PTGER3: variants seen among roughly 807,000 people sequenced by gnomAD.
PTGER3 encodes the protein prostaglandin E2 receptor EP3 subtype.
In PTGER3, 22 loss-of-function variants were observed where a neutral mutation model predicts 34.7. That is an observed-to-expected ratio of 0.63 (90% CI 0.45 to 0.91). The LOEUF is 0.91. Among genes scored for constraint, PTGER3 ranks in the 40% least tolerant of loss-of-function variants. The pLI, the probability that PTGER3 is intolerant of heterozygous loss-of-function variation, is 0.00. For missense variants in PTGER3, 468 were observed against 519.4 expected (o/e 0.90, Z 0.96); for synonymous variants, 241 against 230.1 (o/e 1.05, Z -0.43).
At position 70,889,893 on chromosome 1, in the gene PTGER3, C is replaced by G. The variant is rs144793330; in HGVS notation, c.*24-37034G>C. Among the ~76,000 whole-genome samples the G allele has an allele frequency of 2.3e-4, 35 of 151,952 alleles. No homozygotes were observed. The East Asian group carries it at 6.0e-3, about 26-fold the overall frequency. On this transcript the variant is annotated intron_variant, in intron 4 of 4. Transcript: ENST00000370931. The stretch of plus-strand genomic sequence containing the variant: ...CTTTTTTTTTTTTTGCTGTTAGGAG[C>G]CACTTCCGATCTTGCTTAATTAATA...
intron 1 of PTGER3, among the ~76,000 whole-genome samples, chr1:71,034,751 G>GT (rs1659682895): frequency 6.6e-6 from 1 of 152,180 alleles, no homozygotes. Context: ...ATGAATTGGG[G>GT]TATTCTAAGG....
At chr1:70,894,175 G>A (rs1052250397) in intron 4 of PTGER3, among the ~76,000 whole-genome samples, 1 of 151,862 alleles carries the variant, frequency 6.6e-6, no homozygotes, top group African/African-American at 2.4e-5. Context: ...CGGGCGTGGT[G>A]GTGGGCACCT....
chr1:70,911,320 C>T (rs1244411265), intron 4 of PTGER3, among the ~76,000 whole-genome samples: 3 of 151,540 alleles, frequency 2.0e-5, no homozygotes, highest in Admixed American at 1.3e-4. Context: ...AATGTCTCCC[C>T]CCACAGTTAC....
At chr1:70,889,347 A>G (rs1020394378) in intron 4 of PTGER3, among the ~76,000 whole-genome samples, 9 of 149,100 alleles carry the variant, frequency 6.0e-5, no homozygotes, top group Admixed American at 1.4e-4. Flanking sequence ...CCCAGGAGGC[A>G]GAGCTTGCAG....
intron 4 of PTGER3, among the ~76,000 whole-genome samples, chr1:70,878,177 G>A (rs1229917604): frequency 6.6e-6 from 1 of 151,994 alleles, no homozygotes; most frequent in African/African-American, 2.4e-5. Flanking sequence ...CAGGGATTCA[G>A]TTTCTTCCTA....
chr1:70,910,873 G>C (rs1647045142), intron 4 of PTGER3, among the ~76,000 whole-genome samples: 1 of 152,046 alleles, frequency 6.6e-6, no homozygotes, highest in Non-Finnish European at 1.5e-5. Flanking sequence ...ACGAGGTCAG[G>C]AATTTGAGAC....
At chr1:70,974,479 C>A in intron 2 of PTGER3, 91 bp from the exon 3 acceptor site, 1 of 702,712 alleles carries the variant, frequency 1.4e-6, no homozygotes, top group Non-Finnish European at 2.6e-6. Context: ...GTCACATTGG[C>A]TATGATCAAT....
chr1:71,042,204 C>G (rs1404265810), intron 1 of PTGER3, among the ~76,000 whole-genome samples: 1 of 150,720 alleles, frequency 6.6e-6, no homozygotes, highest in Non-Finnish European at 1.5e-5. Context: ...GACTAACCAT[C>G]TAAATTTGTT....
intron 4 of PTGER3, among the ~76,000 whole-genome samples, chr1:70,860,714 A>T (rs1466994325): frequency 2.6e-5 from 4 of 152,172 alleles, no homozygotes; most frequent in Non-Finnish European, 5.9e-5. Context: ...CAATAATGTT[A>T]TGTGAGACCT....
intron 1 of PTGER3, among the ~76,000 whole-genome samples, chr1:71,039,073 T>C (rs1234248228): frequency 6.6e-6 from 1 of 152,164 alleles, no homozygotes; most frequent in Non-Finnish European, 1.5e-5. Context: ...AGACCCACAT[T>C]TAACTCCAAC....
At chr1:71,021,499 A>T (rs1658417311) in intron 1 of PTGER3, among the ~76,000 whole-genome samples, 1 of 149,672 alleles carries the variant, frequency 6.7e-6, no homozygotes, top group African/African-American at 2.6e-5. Context: ...GCTGGGTGAC[A>T]CACAAGTTAG....
chr1:71,038,405 T>G (rs1014257353), intron 1 of PTGER3, among the ~76,000 whole-genome samples: 2 of 152,236 alleles, frequency 1.3e-5, no homozygotes, highest in Non-Finnish European at 2.9e-5. Context: ...TAATGGTATC[T>G]GGTGGAGAAT....
intron 1 of PTGER3, among the ~76,000 whole-genome samples, chr1:71,037,440 G>A (rs997961004): frequency 4.6e-5 from 7 of 152,166 alleles, no homozygotes; most frequent in Admixed American, 1.3e-4. Flanking sequence ...AAATGAATCC[G>A]TGCTGACCAC....
At chr1:70,991,405 T>C (rs1343845569) in intron 2 of PTGER3, among the ~76,000 whole-genome samples, 1 of 152,200 alleles carries the variant, frequency 6.6e-6, no homozygotes, top group African/African-American at 2.4e-5. Context: ...CTGCTTTCTT[T>C]CTTTAATTTT....
chr1:70,965,997 T>G (rs1652476712), downstream of PTGER3, among the ~76,000 whole-genome samples: 1 of 152,206 alleles, frequency 6.6e-6, no homozygotes, highest in African/African-American at 2.4e-5. Context: ...ACCAATAAAC[T>G]GATTAAAGCC....
At chr1:70,970,708 A>G (rs1652992836), downstream of PTGER3, 1 of 315,962 alleles carries the variant, frequency 3.2e-6, no homozygotes, top group Non-Finnish European at 4.6e-6. Context: ...AAAGGACAAG[A>G]AGAAGAAAAG....
chr1:71,022,562 G>C (rs941428786), intron 1 of PTGER3, among the ~76,000 whole-genome samples: 2 of 151,862 alleles, frequency 1.3e-5, no homozygotes, highest in African/African-American at 4.9e-5. Flanking sequence ...AATCTATTAA[G>C]ACTTCATCTC....
At chr1:71,034,706 G>A (rs1255594348) in intron 1 of PTGER3, among the ~76,000 whole-genome samples, 2 of 152,188 alleles carry the variant, frequency 1.3e-5, no homozygotes, top group African/African-American at 4.8e-5. Context: ...CAATATAAGG[G>A]AAATGAATTT....
At chr1:70,910,881 G>C (rs908670399) in intron 4 of PTGER3, among the ~76,000 whole-genome samples, 1 of 152,026 alleles carries the variant, frequency 6.6e-6, no homozygotes, top group African/African-American at 2.4e-5. Context: ...AGGAATTTGA[G>C]ACCAGCCTGA....
Sources: gnomAD v4.1 joint callset for allele counts (sites outside exome capture counted in the v4.1 genomes callset) on GRCh38, gnomAD v4.1.1 for gene constraint, MANE v1.5 for transcripts, NCBI Gene and HGNC (gene_info 2026-07-23, HGNC 2026-07-21) for gene names.